OSBPL9: variants seen among roughly 807,000 people sequenced by gnomAD.
The protein encoded by OSBPL9 is oxysterol binding protein like 9, also known as oxysterol-binding protein-related protein 9.
Under a neutral mutation model 106.6 loss-of-function variants are expected in OSBPL9, and 40 were observed. The observed-to-expected ratio is 0.38, with a 90% CI of 0.29 to 0.49. The LOEUF (loss-of-function observed/expected upper bound fraction) is 0.49, where lower values mean the gene tolerates loss of function less well. Among genes scored for constraint, OSBPL9 ranks in the 20% least tolerant of loss-of-function variants. The pLI is 0.97. For synonymous variants in OSBPL9, 269 were observed against 295.4 expected, an observed-to-expected ratio of 0.91 and a Z score of 0.92; for missense variants, 609 against 887.2, an observed-to-expected ratio of 0.69 and a Z score of 3.98.
chr1:51,761,081 G>A (rs958214667), intron 10 of OSBPL9, among the ~76,000 whole-genome samples: 7 of 152,170 alleles, frequency 4.6e-5, no homozygotes, highest in African/African-American at 1.4e-4. Flanking sequence ...CATGGCTAGC[G>A]AGGAAAAATT....
At chr1:51,518,863 G>A in the OSBPL9 span, among the ~76,000 whole-genome samples, 1 of 151,822 alleles carries the variant, frequency 6.6e-6, no homozygotes, top group Non-Finnish European at 1.5e-5. Flanking sequence ...TCCTGGGTAG[G>A]TGAAAGCTGC....
chr1:51,737,343 T>G (rs1290064591), intron 4 of OSBPL9, among the ~76,000 whole-genome samples: 1 of 152,050 alleles, frequency 6.6e-6, no homozygotes, highest in African/African-American at 2.4e-5. Context: ...GTTCATAACC[T>G]GTAGCTTCTG....
chr1:51,624,847 A>G (rs1644676784), intron 1 of OSBPL9, among the ~76,000 whole-genome samples: 1 of 152,204 alleles, frequency 6.6e-6, no homozygotes, highest in African/African-American at 2.4e-5. Context: ...TACATTCTTT[A>G]TCTGTACAGC....
chr1:51,648,743 A>G (rs1412330194), intron 1 of OSBPL9, among the ~76,000 whole-genome samples: 2 of 152,226 alleles, frequency 1.3e-5, no homozygotes, highest in East Asian at 1.9e-4. Flanking sequence ...ACACTGGGTA[A>G]CTTACTTGAT....
chr1:51,671,546 C>T (rs945978646), intron 3 of OSBPL9, among the ~76,000 whole-genome samples: 2 of 152,048 alleles, frequency 1.3e-5, no homozygotes, highest in African/African-American at 4.8e-5. Context: ...TCTGGGGATA[C>T]AGTGGTATAC....
chr1:51,680,028 G>T (rs572824996), intron 3 of OSBPL9, among the ~76,000 whole-genome samples: 1 of 152,224 alleles, frequency 6.6e-6, no homozygotes, highest in South Asian at 2.1e-4. Context: ...GTATGAATGT[G>T]TGCGTGTTAT....
intron 12 of OSBPL9, among the ~76,000 whole-genome samples, chr1:51,770,702 A>G (rs1363505074): frequency 2.0e-5 from 3 of 152,268 alleles, no homozygotes; most frequent in African/African-American, 4.8e-5. Flanking sequence ...ATACTACTAA[A>G]TAATCAAAGA....
At position 51,714,023 on chromosome 1, in the gene OSBPL9, G is replaced by C. The variant is rs1398386880; in HGVS notation, c.262G>C (p.Glu88Gln). 1.9e-6 allele frequency: 3 copies of C among 1,608,480 alleles called. No homozygotes were observed. Among genetic ancestry groups the C allele is most frequent in the Non-Finnish European group, 2.5e-6 (3 of 1,176,872 alleles). ...HFQARDADER[E>Q]KWIHALEETI... ...TCCAGCCCGTGATGCTGATGAGCGA[G>C]AGAAGTGGATCCATGCCTTAGAAGA... The change falls in exon 4 of 24, where the codon GAG becomes CAG. Residue 88 changes from glutamate to glutamine, a missense_variant. Around this residue, in one of 5 missense-constraint regions of OSBPL9, gnomAD observed 72 missense variants for 140.5 expected, o/e 0.51. Transcript: ENST00000428468.
chr1:51,782,068 C>T (rs184046586), intron 16 of OSBPL9, among the ~76,000 whole-genome samples: 10 of 152,022 alleles, frequency 6.6e-5, no homozygotes, highest in Admixed American at 6.5e-4. Flanking sequence ...AGTAGGTAAC[C>T]CAGAACTGGC....
intron 4 of OSBPL9, chr1:51,740,330 T>C: frequency 8.3e-7 from 1 of 1,201,820 alleles, no homozygotes; most frequent in Non-Finnish European, 1.1e-6. Context: ...TTCTCATATT[T>C]TAATCAAAAT....
At chr1:51,617,363 G>C in intron 1 of OSBPL9, 142 bp downstream of exon 1, 1 of 819,534 alleles carries the variant, frequency 1.2e-6, no homozygotes, top group Non-Finnish European at 1.9e-6. Context: ...TGTTGGGGAG[G>C]GTTTTACGTC....
the OSBPL9 span, among the ~76,000 whole-genome samples, chr1:51,544,700 A>T: frequency 6.6e-6 from 1 of 152,142 alleles, no homozygotes; most frequent in Non-Finnish European, 1.5e-5. Context: ...GATTAAAAAT[A>T]AAAAAAGAAT....
chr1:51,738,188 T>C (rs1666122853), intron 4 of OSBPL9, among the ~76,000 whole-genome samples: 1 of 151,942 alleles, frequency 6.6e-6, no homozygotes, highest in African/African-American at 2.4e-5. Context: ...CCAAATCACT[T>C]TATGGAGTTA....
At chr1:51,555,294 A>G in the OSBPL9 span, among the ~76,000 whole-genome samples, 2 of 152,150 alleles carry the variant, frequency 1.3e-5, no homozygotes, top group Non-Finnish European at 1.5e-5. Flanking sequence ...GTTCGAGACC[A>G]GCCTGACCAA....
intron 9 of OSBPL9, among the ~76,000 whole-genome samples, chr1:51,757,828 TAAAG>T (rs1670661294): frequency 1.3e-5 from 2 of 152,156 alleles, no homozygotes; most frequent in South Asian, 4.1e-4. Context: ...TCTTTTCCTG[TAAAG>T]AAAGCTGAAA....
intron 3 of OSBPL9, among the ~76,000 whole-genome samples, chr1:51,698,490 A>G (rs1161497590): frequency 1.3e-5 from 2 of 152,182 alleles, no homozygotes; most frequent in South Asian, 2.1e-4. Context: ...ATATGTACAC[A>G]TATGTGTGCA....
chr1:51,569,042 C>T, the OSBPL9 span, among the ~76,000 whole-genome samples: 1 of 152,260 alleles, frequency 6.6e-6, no homozygotes, highest in South Asian at 2.1e-4. Flanking sequence ...TCAACCTTAC[C>T]TCCCATGTTA....
chr1:51,560,144 C>T, the OSBPL9 span, among the ~76,000 whole-genome samples: 1 of 152,216 alleles, frequency 6.6e-6, no homozygotes, highest in Non-Finnish European at 1.5e-5. Flanking sequence ...CAGAAACCTT[C>T]GGTGGCTCTG....
chr1:51,557,776 G>C, the OSBPL9 span, among the ~76,000 whole-genome samples: 1 of 152,132 alleles, frequency 6.6e-6, no homozygotes, highest in African/African-American at 2.4e-5. Context: ...GGCCTCACAG[G>C]GATATGGCAC....
Sources: gnomAD v4.1 joint callset for allele counts (sites outside exome capture counted in the v4.1 genomes callset) on GRCh38, gnomAD v4.1.1 for gene constraint, gnomAD v4.1.1 regional missense constraint, MANE v1.5 for transcripts, NCBI Gene and HGNC (gene_info 2026-07-23, HGNC 2026-07-21) for gene names.